CACNA1C: variants seen among roughly 807,000 people sequenced by gnomAD.
The protein encoded by CACNA1C is calcium voltage-gated channel subunit alpha1 C.
CACNA1C carries 30 observed loss-of-function variants against 229.0 expected under a neutral mutation model. The observed-to-expected ratio is 0.13, with a 90% confidence interval of 0.10 to 0.18. CACNA1C has a LOEUF of 0.18. Ranked by LOEUF, CACNA1C falls within the 10% of genes least tolerant of loss-of-function variation. CACNA1C has a pLI of 1.00. For synonymous variants in CACNA1C, 1,114 were observed against 1,132.5 expected (o/e 0.98, Z 0.33); for missense variants, 1,658 against 2,845.0 (o/e 0.58, Z 9.49).
chr12:2,246,413 A>G (rs1462903724), intron 3 of CACNA1C, among the ~76,000 whole-genome samples: 3 of 152,174 alleles, frequency 2.0e-5, no homozygotes, highest in Non-Finnish European at 4.4e-5. Flanking sequence ...CGGAGTGAAC[A>G]GGATCCTGAA....
chr12:2,440,992 T>C (rs186456558), intron 3 of CACNA1C, among the ~76,000 whole-genome samples: 1 of 152,334 alleles, frequency 6.6e-6, no homozygotes, highest in African/African-American at 2.4e-5. Context: ...AGACAGAGAA[T>C]AGGCAGGAAA....
chr12:2,107,214 C>A (rs1298825514), intron 1 of CACNA1C, among the ~76,000 whole-genome samples: 60 of 146,958 alleles, frequency 4.1e-4, no homozygotes, highest in Non-Finnish European at 7.3e-4. Context: ...CTGGGGTGTC[C>A]TGAAGCCGCT....
chr12:2,084,837 C>G (rs1391631519), intron 1 of CACNA1C, among the ~76,000 whole-genome samples: 1 of 152,110 alleles, frequency 6.6e-6, no homozygotes, highest in Admixed American at 6.5e-5. Flanking sequence ...TTCCACCTAC[C>G]CTATGTTTAT....
chr12:2,402,663 G>T (rs548822511), intron 3 of CACNA1C, among the ~76,000 whole-genome samples: 1 of 152,318 alleles, frequency 6.6e-6, no homozygotes, highest in East Asian at 1.9e-4. Flanking sequence ...TGATGTTGTT[G>T]TAATCTGGAG....
At chr12:2,085,578 A>G (rs1416376597) in intron 1 of CACNA1C, among the ~76,000 whole-genome samples, 1 of 152,094 alleles carries the variant, frequency 6.6e-6, no homozygotes, top group African/African-American at 2.4e-5. Flanking sequence ...AATTATAAAT[A>G]CCCTTAGCTG....
intron 3 of CACNA1C, among the ~76,000 whole-genome samples, chr12:2,429,861 A>G (rs200839002): frequency 4.8e-4 from 73 of 152,306 alleles, no homozygotes; most frequent in Non-Finnish European, 6.6e-4. Flanking sequence ...GTTCAGGCCA[A>G]TTGTGGTGAG....
chr12:2,015,870 C>T (rs2154485208), intron 1 of CACNA1C, among the ~76,000 whole-genome samples: 1 of 152,294 alleles, frequency 6.6e-6, no homozygotes, highest in South Asian at 2.1e-4. Flanking sequence ...GGTTGCTAAT[C>T]ATATCTATTT....
At chr12:2,444,029 T>C (rs1280770966) in intron 3 of CACNA1C, among the ~76,000 whole-genome samples, 1 of 152,224 alleles carries the variant, frequency 6.6e-6, no homozygotes, top group African/African-American at 2.4e-5. Flanking sequence ...AATAGGCAGC[T>C]GTCTTTCTCT....
At chr12:2,663,897 G>A (rs1234730578) in intron 34 of CACNA1C, among the ~76,000 whole-genome samples, 3 of 151,800 alleles carry the variant, frequency 2.0e-5, no homozygotes, top group African/African-American at 4.8e-5. Flanking sequence ...GCCCACCACC[G>A]CGCCCGGCTA....
chr12:2,051,819 T>G (rs188410148), upstream of CACNA1C, among the ~76,000 whole-genome samples: 1 of 152,336 alleles, frequency 6.6e-6, no homozygotes, highest in Admixed American at 6.5e-5. Flanking sequence ...AGGCTTGAAA[T>G]GTCTATCAGA....
intron 45 of CACNA1C, 143 bp from the exon 46 acceptor site, chr12:2,688,302 CAG>C: frequency 1.7e-5 from 12 of 704,870 alleles, no homozygotes; most frequent in South Asian, 1.5e-4. Flanking sequence ...ATAGGACCGA[CAG>C]GGGAAAATAA....
In CACNA1C at chr12:2,410,724, A is replaced by ATG. The variant is rs1388866651; in HGVS notation, c.478-38241_478-38240dup. On this transcript the variant is annotated intron_variant, in intron 3 of 46. Transcript: ENST00000399655. This position sits in a 1 kb window ranked among gnomAD's most constrained non-coding sequence, Gnocchi z 5.3. Reference sequence around the variant, plus strand: ...TGTGTGTGTGTGTGTGCGTGCACGCATGTGTGTGTGTGCATGCGTGTGTGT... The same window carrying ATG: ...TGTGTGTGTGTGTGTGCGTGCACGCATGTGTGTGTGTGTGCATGCGTGTGTGT... Among the ~76,000 whole-genome samples, 141 of 121,770 alleles carry ATG rather than the reference A, an allele frequency of 1.2e-3. No homozygotes were observed. The highest frequency in any genetic ancestry group is 4.3e-3 in the African/African-American group (133 of 31,226). 79.9% of individuals were successfully genotyped at this position (121,770 alleles called of 152,430 possible). A position where few individuals can be genotyped will look rare whatever the true frequency, so the allele number is the denominator to read the frequency against.
At chr12:2,468,515 C>T (rs1014505196) in intron 5 of CACNA1C, among the ~76,000 whole-genome samples, 1 of 152,194 alleles carries the variant, frequency 6.6e-6, no homozygotes, top group Non-Finnish European at 1.5e-5. Context: ...GACTGTTTTC[C>T]AGTCGGGATA....
At chr12:2,164,626 A>G (rs1332426023) in intron 3 of CACNA1C, among the ~76,000 whole-genome samples, 1 of 152,204 alleles carries the variant, frequency 6.6e-6, no homozygotes, top group Non-Finnish European at 1.5e-5. Flanking sequence ...TGTCTTCATA[A>G]TATCAGGAAG....
intron 3 of CACNA1C, among the ~76,000 whole-genome samples, chr12:2,302,695 C>T (rs887756182): frequency 2.0e-5 from 3 of 152,166 alleles, no homozygotes; most frequent in Non-Finnish European, 2.9e-5. Context: ...ATAGCTTATT[C>T]GCCAAAATGT....
At chr12:1,995,705 G>GGGC (rs1413816645) in intron 1 of CACNA1C, among the ~76,000 whole-genome samples, 1 of 152,216 alleles carries the variant, frequency 6.6e-6, no homozygotes, top group Non-Finnish European at 1.5e-5. Flanking sequence ...TCTCTGTGCT[G>GGGC]TTCTAGTCCT....
At chr12:2,625,605 G>T (rs2085972337) in intron 29 of CACNA1C, among the ~76,000 whole-genome samples, 1 of 152,104 alleles carries the variant, frequency 6.6e-6, no homozygotes, top group African/African-American at 2.4e-5. Context: ...CAATCAGTGA[G>T]CACGTTCTCG....
At chr12:2,065,058 C>T (rs1356400881) in intron 1 of CACNA1C, among the ~76,000 whole-genome samples, 1 of 152,234 alleles carries the variant, frequency 6.6e-6, no homozygotes, top group African/African-American at 2.4e-5. Context: ...CTCACACCCC[C>T]TCACTGGCCC....
intron 3 of CACNA1C, among the ~76,000 whole-genome samples, chr12:2,398,149 A>G (rs1406497215): frequency 2.0e-5 from 3 of 152,206 alleles, no homozygotes; most frequent in South Asian, 2.1e-4. Flanking sequence ...TTAAATATCA[A>G]TGCACTCTTT....
Sources: allele counts gnomAD v4.1 joint callset (sites outside exome capture counted in the v4.1 genomes callset), GRCh38; gene constraint gnomAD v4.1.1; non-coding constraint Gnocchi (gnomAD v3.1); transcripts MANE v1.5; gene names NCBI Gene and HGNC (gene_info 2026-07-23, HGNC 2026-07-21).